Variants in ZNF804B observed in about 807,000 individuals in gnomAD.
The protein encoded by ZNF804B is zinc finger 804B.
Under a neutral mutation model 101.4 loss-of-function variants are expected in ZNF804B, and 80 were observed. The observed-to-expected ratio is 0.79, with a 90% CI of 0.66 to 0.95. The LOEUF (loss-of-function observed/expected upper bound fraction) is 0.95, where lower values mean the gene tolerates loss of function less well. Ranked by LOEUF, ZNF804B falls within the 40% of genes least tolerant of loss-of-function variation. The pLI is 0.00. For missense variants in ZNF804B, 1,673 were observed against 1,561.9 expected (o/e 1.07, Z -1.20); for synonymous variants, 622 against 558.8 (o/e 1.11, Z -1.59).
chr7:89,247,972 A>G (rs1311041552), intron 2 of ZNF804B, among the ~76,000 whole-genome samples: 1 of 152,230 alleles, frequency 6.6e-6, no homozygotes, highest in African/African-American at 2.4e-5. Context: ...AAGCTTTATC[A>G]ATAGACTGAA....
intron 1 of ZNF804B, among the ~76,000 whole-genome samples, chr7:89,054,506 G>A (rs1357025916): frequency 6.6e-6 from 1 of 151,830 alleles, no homozygotes; most frequent in Non-Finnish European, 1.5e-5. Flanking sequence ...TCAGAGAGAT[G>A]CTCAGACCAT....
At chr7:89,108,641 CTG>C (rs540006457) in intron 1 of ZNF804B, among the ~76,000 whole-genome samples, 178 of 152,024 alleles carry the variant, frequency 1.2e-3, no homozygotes, top group Middle Eastern at 6.8e-3. Context: ...GCAAAGGAAA[CTG>C]ATCCTATTGG....
chr7:89,335,113 T>A lies in ZNF804B; in HGVS notation c.2131T>A (p.Ser711Thr), dbSNP rs747419990. The A allele has an allele frequency of 3.7e-6, 6 of 1,613,762 alleles. No homozygotes were observed. Among genetic ancestry groups the A allele is most frequent in the East Asian group, 2.2e-5 (1 of 44,862 alleles). The change falls in exon 4 of 4, where the codon TCT (serine) becomes ACT (threonine). Residue 711 changes from serine to threonine, a missense_variant. Ser to Thr is a moderately conservative substitution (Grantham distance 58, BLOSUM62 1). Transcript: ENST00000333190. ...PQSCLSRYSSSLDTSPSSMSS... is the reference protein window; with the variant it reads ...PQSCLSRYSSTLDTSPSSMSS... ...GTCATGTTTGAGTAGATATTCTTCC[T>A]CTTTGGACACATCCCCTAGCAGCAT...
chr7:89,023,421 A>T (rs1788699751), intron 1 of ZNF804B, among the ~76,000 whole-genome samples: 3 of 152,206 alleles, frequency 2.0e-5, no homozygotes. Context: ...ACTTCTGTGG[A>T]AAATACCACA....
In ZNF804B at chr7:89,171,288, G is replaced by GCTGCTGCTGCTGCTGCTT. The variant is rs1215246589; in HGVS notation, c.109-46865_109-46864insGCTGCTGCTGCTGCTTCT. On this transcript the variant is annotated intron_variant, in intron 1 of 3. Coordinates refer to ENST00000333190, the MANE Select transcript of ZNF804B (RefSeq NM_181646.5). ...AGTAGGCACAAATAATGCTGCTGCTGCTTCTTCTTCTTCTTCTTCTTCTTC... is the reference window on the plus strand; with the variant it reads ...AGTAGGCACAAATAATGCTGCTGCTGCTGCTGCTGCTGCTGCTTCTTCTTCTTCTTCTTCTTCTTCTTC... Among the ~76,000 whole-genome samples the GCTGCTGCTGCTGCTGCTT allele has an allele frequency of 6.3e-3, 517 of 82,436 alleles. 1 individual carries two copies. The highest frequency in any genetic ancestry group is 9.7e-3 in the Non-Finnish European group (375 of 38,608). The allele number at this position is 82,436 out of a possible 152,430, so 54.1% of individuals were successfully genotyped here.
rs150420393 is a variant in ZNF804B, at chr7:89,190,886, A to G, written c.109-27269A>G. On this transcript the variant is annotated intron_variant, in intron 1 of 3. Transcript: ENST00000333190. ...CAATAAAATATTTTAAAATTATGCCAGGTACCTTGCTTTATGGAAGTAATG... is the reference window on the plus strand; with the variant it reads ...CAATAAAATATTTTAAAATTATGCCGGGTACCTTGCTTTATGGAAGTAATG... 2.4e-3 allele frequency among the ~76,000 whole-genome samples: 361 copies of G among 152,284 alleles called. 4 individuals are homozygous for G. The highest frequency in any genetic ancestry group is 0.015 in the Admixed American group (226 of 15,276).
intron 1 of ZNF804B, among the ~76,000 whole-genome samples, chr7:88,833,686 TAA>T (rs1562806470): frequency 2.0e-5 from 3 of 151,932 alleles, no homozygotes; most frequent in African/African-American, 7.2e-5. Flanking sequence ...TGGAGAGCCT[TAA>T]GTCTATTGAC....
intron 1 of ZNF804B, among the ~76,000 whole-genome samples, chr7:89,113,974 C>T (rs1562888073): frequency 1.3e-5 from 2 of 151,622 alleles, no homozygotes; most frequent in Admixed American, 1.3e-4. Context: ...AAGGAATTTC[C>T]TTCCAGGGAT....
At chr7:89,152,396 G>GT (rs948612017) in intron 1 of ZNF804B, among the ~76,000 whole-genome samples, 43 of 151,812 alleles carry the variant, frequency 2.8e-4, no homozygotes, top group Middle Eastern at 3.4e-3. Flanking sequence ...GGAAACAGTT[G>GT]TCAGAAGTTT....
At chr7:89,038,741 A>G (rs1402996291) in intron 1 of ZNF804B, among the ~76,000 whole-genome samples, 1 of 152,124 alleles carries the variant, frequency 6.6e-6, no homozygotes, top group Non-Finnish European at 1.5e-5. Context: ...TCAGACCAAT[A>G]TCAAGAAGCA....
At chr7:89,088,345 A>G (rs778323436) in intron 1 of ZNF804B, among the ~76,000 whole-genome samples, 90 of 152,176 alleles carry the variant, frequency 5.9e-4, no homozygotes, top group Non-Finnish European at 9.7e-4. Context: ...AGGTGGATAT[A>G]GGAGCTGAGA....
At chr7:89,076,066 G>A (rs1257901904) in intron 1 of ZNF804B, among the ~76,000 whole-genome samples, 1 of 152,216 alleles carries the variant, frequency 6.6e-6, no homozygotes, top group Non-Finnish European at 1.5e-5. Flanking sequence ...CTCCTAGGTG[G>A]AAGGGCCTTG....
At chr7:89,232,042 G>A (rs1436484080) in intron 2 of ZNF804B, among the ~76,000 whole-genome samples, 2 of 152,134 alleles carry the variant, frequency 1.3e-5, no homozygotes, top group East Asian at 3.9e-4. Context: ...TATGATGTTA[G>A]TTATAAGTTT....
At chr7:88,940,963 A>G (rs1793046943) in intron 1 of ZNF804B, among the ~76,000 whole-genome samples, 1 of 151,756 alleles carries the variant, frequency 6.6e-6, no homozygotes, top group Admixed American at 6.6e-5. Flanking sequence ...GGTTTAAAAA[A>G]ATGAACAGAC....
intron 1 of ZNF804B, among the ~76,000 whole-genome samples, chr7:88,770,571 T>G (rs1394007249): frequency 2.6e-5 from 4 of 152,196 alleles, no homozygotes; most frequent in African/African-American, 9.6e-5. Flanking sequence ...AGTAAGACTG[T>G]TAATTCAACC....
At chr7:89,291,561 GT>G in intron 2 of ZNF804B, among the ~76,000 whole-genome samples, 1 of 151,884 alleles carries the variant, frequency 6.6e-6, no homozygotes, top group East Asian at 1.9e-4. Flanking sequence ...TTGAAGACAG[GT>G]TATTTAAAAA....
At chr7:88,801,732 T>G (rs1790592838) in intron 1 of ZNF804B, among the ~76,000 whole-genome samples, 1 of 151,850 alleles carries the variant, frequency 6.6e-6, no homozygotes. Flanking sequence ...TGACAAACAT[T>G]TGAAATATAA....
intron 1 of ZNF804B, among the ~76,000 whole-genome samples, chr7:89,096,678 G>GTTTTTTAAATCATTAGATTGTCTAA (rs1789976857): frequency 6.6e-6 from 1 of 152,082 alleles, no homozygotes. Context: ...TCTTTTCTTT[G>GTTTTTTAAATCATTAGATTGTCTAA]TTTTTTAAAT....
chr7:88,975,313 C>T (rs1201018689), intron 1 of ZNF804B, among the ~76,000 whole-genome samples: 1 of 151,212 alleles, frequency 6.6e-6, no homozygotes. Context: ...GATTGCTAGA[C>T]CATATGACCA....
Sources: allele counts gnomAD v4.1 joint callset (sites outside exome capture counted in the v4.1 genomes callset), GRCh38; gene constraint gnomAD v4.1.1; transcripts MANE v1.5; gene names NCBI Gene and HGNC (gene_info 2026-07-23, HGNC 2026-07-21).